MED17: variants seen among roughly 807,000 people sequenced by gnomAD.
MED17 encodes mediator of RNA polymerase II transcription subunit 17.
MED17 carries 49 observed loss-of-function variants against 80.8 expected under a neutral mutation model. That is an observed-to-expected ratio of 0.61 (90% CI 0.48 to 0.77). MED17 has a LOEUF of 0.77. Ranked by LOEUF, MED17 falls within the 30% of genes least tolerant of loss-of-function variation. The pLI is 0.00. For synonymous variants in MED17, 281 were observed against 280.4 expected (o/e 1.00, Z -0.02); for missense variants, 718 against 787.0 (o/e 0.91, Z 1.05).
chr11:93,790,544 A>C (rs1205716578), intron 2 of MED17, 30 bp from the exon 3 acceptor site: 1 of 1,582,656 alleles, frequency 6.3e-7, no homozygotes, highest in Admixed American at 1.7e-5. Context: ...AAAATCCTGC[A>C]GAACTGCATG....
At chr11:93,799,305 A>G (rs924342292) in intron 8 of MED17, among the ~76,000 whole-genome samples, 1 of 151,180 alleles carries the variant, frequency 6.6e-6, no homozygotes, top group South Asian at 2.1e-4. Flanking sequence ...CCTCCCAAGT[A>G]TTTGGGATTA....
In MED17 at chr11:93,794,946, A is replaced by G. The variant is rs375348736; in HGVS notation, c.898A>G (p.Asn300Asp). Residue 300 changes from asparagine to aspartate, a missense_variant, in exon 6 of 12, where the codon AAT (asparagine) becomes GAT (aspartate). Coordinates refer to ENST00000251871, the MANE Select transcript of MED17 (RefSeq NM_004268.5). ...GCAGACAAAATTAGAAGCGGCACAG[A>G]ATGTTCTCTTATGTAAAGAAATTTT... ...HWQTKLEAAQ[N>D]VLLCKEIFAQ... 10 of 1,614,036 alleles carry G rather than the reference A, an allele frequency of 6.2e-6. No individual in the cohort carries two copies. The highest frequency in any genetic ancestry group is 8.5e-6 in the Non-Finnish European group (10 of 1,180,032).
rs1478446008 is a variant in MED17, at chr11:93,804,035, ACATATACACACG to A, written c.1466+2066_1466+2077del. On this transcript the variant is annotated intron_variant, in intron 9 of 11. Coordinates refer to ENST00000251871, the MANE Select transcript of MED17 (RefSeq NM_004268.5). ...TATATATATATATATATACACACACACATATACACACGCACACACACACACATAAAGGGGAGT... is the reference window on the plus strand; with the variant it reads ...TATATATATATATATATACACACACACACACACACACACATAAAGGGGAGT... Among the ~76,000 whole-genome samples, 95 of 87,228 alleles carry A rather than the reference ACATATACACACG, an allele frequency of 1.1e-3. 1 individual carries two copies. Among genetic ancestry groups the A allele is most frequent in the Admixed American group, 5.0e-3 (33 of 6,554 alleles). 57.2% of individuals were successfully genotyped at this position (87,228 alleles called of 152,430 possible).
At position 93,790,496 on chromosome 11, in the gene MED17, TTTA is replaced by T. The variant is rs1162962609; in HGVS notation, c.418-72_418-70del. On this transcript the variant is annotated intron_variant, in intron 2 of 11. Transcript: ENST00000251871. The stretch of plus-strand genomic sequence containing the variant: ...CCTTTTTGCTTTTTGTTCACTTCAT[TTTA>T]TTATTGATAAAATGTGTAATTTTAG... 10 of 1,332,024 alleles carry T rather than the reference TTTA, an allele frequency of 7.5e-6. No homozygotes were observed. In the African/African-American group the frequency reaches 1.3e-4, roughly 18 times the overall value. 82.5% of individuals were successfully genotyped at this position (1,332,024 alleles called of 1,614,324 possible). A position where few individuals can be genotyped will look rare whatever the true frequency, so the allele number is the denominator to read the frequency against.
At position 93,788,063 on chromosome 11, in the gene MED17, G is replaced by T; in HGVS notation, c.313G>T (p.Ala105Ser). ...WDSVRNNLRS[A>S]LTEMCVLYDV... ...CTCAGTGAGGAACAATTTGAGAAGT[G>T]CCCTGACAGAGATGTGTGTTCTCTA... Residue 105 changes from alanine (A) to serine (S), a missense_variant, in exon 2 of 12, where the codon GCC becomes TCC. By Grantham distance (99) the Ala-to-Ser change is moderately conservative (BLOSUM62 1). Coordinates refer to ENST00000251871, the MANE Select transcript of MED17 (RefSeq NM_004268.5). 1 of 1,613,822 alleles carries T rather than the reference G, an allele frequency of 6.2e-7. No homozygotes were observed. Among genetic ancestry groups the T allele is most frequent in the South Asian group, 1.1e-5 (1 of 91,064 alleles).
chr11:93,803,373 T>C (rs749102712), intron 9 of MED17, among the ~76,000 whole-genome samples: 1 of 152,190 alleles, frequency 6.6e-6, no homozygotes, highest in Non-Finnish European at 1.5e-5. Context: ...TGAGAGCAGA[T>C]GCAGAGTATG....
intron 1 of MED17, among the ~76,000 whole-genome samples, chr11:93,785,257 C>G (rs1413509136): frequency 2.0e-5 from 3 of 152,060 alleles, no homozygotes; most frequent in Non-Finnish European, 2.9e-5. Context: ...CCGGGATAAG[C>G]GTTTGACTAG....
rs1167802012 is a variant in MED17 at position 93,813,566 on chromosome 11, C to A, written c.*1502C>A. 2.6e-5 allele frequency: 4 copies of A among 152,170 alleles called. No homozygotes were observed. The highest frequency in any genetic ancestry group is 5.9e-5 in the Non-Finnish European group (4 of 68,032). 9.4% of individuals were successfully genotyped at this position (152,170 alleles called of 1,614,324 possible). On this transcript the variant is annotated 3_prime_UTR_variant, in exon 12 of 12. Coordinates refer to ENST00000251871, the MANE Select transcript of MED17 (RefSeq NM_004268.5). ...TCAGGCTAGAAGAGTGAGTCTGAGA[C>A]TTTTGCTGAATGACCAGTTTTTGTT...
At chr11:93,799,830 G>C (rs530035153) in intron 8 of MED17, among the ~76,000 whole-genome samples, 4 of 151,970 alleles carry the variant, frequency 2.6e-5, no homozygotes, top group Non-Finnish European at 5.9e-5. Flanking sequence ...GAGATCTCTT[G>C]ACATGCTAAT....
At chr11:93,796,905 A>T (rs1943909659) in intron 7 of MED17, 2 of 296,272 alleles carry the variant, frequency 6.8e-6, no homozygotes, top group Non-Finnish European at 1.3e-5. Context: ...GATCATCTAC[A>T]ACTGTTTACA....
intron 7 of MED17, 110 bp from the exon 8 acceptor site, chr11:93,797,425 A>G (rs1943916180): frequency 9.3e-7 from 1 of 1,069,762 alleles, no homozygotes; most frequent in Non-Finnish European, 1.4e-6. Context: ...TTGTTTTCAT[A>G]TGTGGTTCAA....
Position 93,802,048 on chromosome 11 carries a change from C to T in MED17, c.1466+76C>T, listed in dbSNP as rs1019333520. 42 of 1,398,908 alleles carry T rather than the reference C, an allele frequency of 3.0e-5. No homozygotes were observed. In the Admixed American group the frequency reaches 4.0e-4, roughly 13 times the overall value. 86.7% of individuals were successfully genotyped at this position (1,398,908 alleles called of 1,614,324 possible). On this transcript the variant is annotated intron_variant, in intron 9 of 11. Coordinates refer to ENST00000251871, the MANE Select transcript of MED17 (RefSeq NM_004268.5). ...ATGTTTGCTGAGTAATTATATTAAG[C>T]ATTTGGTTTTTATTTGCTAGGGTGG...
Position 93,796,472 on chromosome 11 carries a change from A to G in MED17, c.1075A>G (p.Thr359Ala), listed in dbSNP as rs139951951. ...SNDKKSQKFA[T>A]EKQCPEDHLY... ...TGATAAGAAATCCCAAAAATTTGCT[A>G]CTGAGAAGCAATGTCCGGAGGACCA... Residue 359 changes from threonine (T) to alanine (A), a missense_variant, in exon 7 of 12, where the codon ACT becomes GCT. Coordinates refer to ENST00000251871, the MANE Select transcript of MED17 (RefSeq NM_004268.5). 4 of 1,613,552 alleles carry G rather than the reference A, an allele frequency of 2.5e-6. No homozygotes were observed. In the African/African-American group the frequency reaches 4.0e-5, roughly 16 times the overall value.
intron 8 of MED17, 47 bp downstream of exon 8, chr11:93,797,766 C>G: frequency 1.3e-6 from 2 of 1,523,746 alleles, no homozygotes; most frequent in Non-Finnish European, 1.8e-6. Context: ...TTTGAAATTG[C>G]AGTGTTTTCT....
intron 11 of MED17, 27 bp downstream of exon 11, chr11:93,809,903 G>A: frequency 2.5e-6 from 4 of 1,613,232 alleles, no homozygotes; most frequent in Non-Finnish European, 3.4e-6. Flanking sequence ...TGAATGAGAA[G>A]GGACCATTGG....
chr11:93,807,140 A>C (rs145203174), intron 9 of MED17: 5,120 of 194,910 alleles, frequency 0.026, 281 homozygotes, highest in African/African-American at 0.12. Flanking sequence ...GGCCGGGTGC[A>C]GTGGCTCAGG....
In MED17 at chr11:93,784,309, A is replaced by G; in HGVS notation, c.-205A>G. The G allele has an allele frequency of 1.5e-6, 1 of 653,822 alleles. No homozygotes were observed. The highest frequency in any genetic ancestry group is 2.5e-6 in the Non-Finnish European group (1 of 398,944). The allele number at this position is 653,822 out of a possible 1,614,324, so 40.5% of individuals were successfully genotyped here. A position where few individuals can be genotyped will look rare whatever the true frequency, so the allele number is the denominator to read the frequency against. On this transcript the variant is annotated 5_prime_UTR_variant, in exon 1 of 12. Transcript: ENST00000251871. ...TTTTGCTCCGAAAGACTTACCGAGG[A>G]GGGAGCTTGCGGTGCGTTCTGGGAA...
intron 1 of MED17, among the ~76,000 whole-genome samples, chr11:93,787,592 AT>A (rs754244005): frequency 5.9e-5 from 9 of 152,136 alleles, no homozygotes; most frequent in Non-Finnish European, 1.2e-4. Flanking sequence ...ACTTTTTTTA[AT>A]GGTTAAAAGG....
At chr11:93,798,711 T>C (rs1307854172) in intron 8 of MED17, among the ~76,000 whole-genome samples, 1 of 152,300 alleles carries the variant, frequency 6.6e-6, no homozygotes, top group Middle Eastern at 3.4e-3. Flanking sequence ...CCCCCACTTA[T>C]TCCCGTCAAT....
Sources: gnomAD v4.1 joint callset for allele counts (sites outside exome capture counted in the v4.1 genomes callset) on GRCh38, gnomAD v4.1.1 for gene constraint, MANE v1.5 for transcripts, NCBI Gene and HGNC (gene_info 2026-07-23, HGNC 2026-07-21) for gene names.